The following FAM20A variants were observed in gnomAD, a reference collection of about 807,000 sequenced individuals.
FAM20A encodes pseudokinase FAM20A.
Under a neutral mutation model 52.0 loss-of-function variants are expected in FAM20A, and 42 were observed. The ratio of observed to expected loss-of-function variants is 0.81; its 90% CI spans 0.63 to 1.04. The LOEUF (loss-of-function observed/expected upper bound fraction) is 1.04, where lower values mean the gene tolerates loss of function less well. FAM20A is among the 50% of genes least tolerant of loss of function. The pLI is 0.00. For synonymous variants in FAM20A, 304 were observed against 298.9 expected (o/e 1.02, Z -0.18); for missense variants, 742 against 712.7 (o/e 1.04, Z -0.47).
Position 68,542,184 on chromosome 17 carries a change from A to G in FAM20A, c.929-19T>C. ...TTGCTCGCTGGAGGATGGGGAGGAG[A>G]GAGGAGGAGTAAGTGGAGGGCTCTG... On this transcript the variant is annotated intron_variant, in intron 6 of 10. Coordinates refer to ENST00000592554, the MANE Select transcript of FAM20A (RefSeq NM_017565.4). 6.2e-7 allele frequency: 1 copy of G among 1,613,426 alleles called. No individual in the cohort carries two copies. The highest frequency in any genetic ancestry group is 8.5e-7 in the Non-Finnish European group (1 of 1,179,896).
chr17:68,578,317 C>T (rs150751369), intron 1 of FAM20A, among the ~76,000 whole-genome samples: 7 of 152,234 alleles, frequency 4.6e-5, no homozygotes, highest in East Asian at 3.9e-4. Context: ...GGGTACAATA[C>T]GGGGTTAGGC....
intron 3 of FAM20A, among the ~76,000 whole-genome samples, chr17:68,553,657 G>C (rs12944049): frequency 6.6e-6 from 1 of 151,786 alleles, no homozygotes; most frequent in Non-Finnish European, 1.5e-5. Context: ...GGGCCTCACC[G>C]TCTGAACTTG....
In FAM20A at chr17:68,575,917, C is replaced by T. The variant is rs535064186; in HGVS notation, c.405-20174G>A. Among the ~76,000 whole-genome samples the T allele has an allele frequency of 2.4e-4, 36 of 150,090 alleles. 1 individual carries two copies. The Middle Eastern group carries it at 0.02, about 85-fold the overall frequency. On this transcript the variant is annotated intron_variant, in intron 1 of 10. Transcript: ENST00000592554. ...GTTTCTGAGAACCAAGTCCAAAGGG[C>T]GCCCCCTAAGAATGGCCTTTCCCTT... is the stretch of plus-strand genomic sequence containing the variant.
At chr17:68,555,919 G>A (rs1014967622) in intron 1 of FAM20A, among the ~76,000 whole-genome samples, 176 bp from the exon 2 acceptor site, 13 of 152,140 alleles carry the variant, frequency 8.5e-5, no homozygotes, top group African/African-American at 2.2e-4. Flanking sequence ...ACACCTGTGG[G>A]GTCCTTTCTT....
intron 2 of FAM20A, 26 bp downstream of exon 2, chr17:68,555,533 C>T (rs549811526): frequency 9.3e-6 from 15 of 1,611,758 alleles, no homozygotes; most frequent in Non-Finnish European, 1.3e-5. Context: ...AGTCAGTCCC[C>T]CCTTGCTTGA....
chr17:68,576,718 G>A (rs189785360), intron 1 of FAM20A, among the ~76,000 whole-genome samples: 1 of 152,316 alleles, frequency 6.6e-6, no homozygotes, highest in East Asian at 1.9e-4. Flanking sequence ...TAACTGATGA[G>A]CAAATCTGAG....
chr17:68,586,204 T>C (rs2088160290), intron 1 of FAM20A, among the ~76,000 whole-genome samples: 1 of 152,210 alleles, frequency 6.6e-6, no homozygotes, highest in Admixed American at 6.5e-5. Context: ...ATATCAGAAT[T>C]ATTTTGTGAT....
chr17:68,595,790 C>T (rs2088435600), intron 1 of FAM20A, among the ~76,000 whole-genome samples: 1 of 152,132 alleles, frequency 6.6e-6, no homozygotes, highest in Non-Finnish European at 1.5e-5. Context: ...AGGTTCAGAG[C>T]GTTCTAGGGC....
Position 68,600,009 on chromosome 17 carries a change from G to A in FAM20A, c.404+254C>T, listed in dbSNP as rs1288438181. 6.6e-6 allele frequency among the ~76,000 whole-genome samples: 1 copy of A among 152,206 alleles called. No homozygotes were observed. Among genetic ancestry groups the A allele is most frequent in the Non-Finnish European group, 1.5e-5 (1 of 68,040 alleles). ...CCCAGGCGCTCAAGGGGAAGGGGCT[G>A]AGAGCGTTTCTTCGCTGTGCGGCTG... On this transcript the variant is annotated intron_variant, in intron 1 of 10. Coordinates refer to ENST00000592554, the MANE Select transcript of FAM20A (RefSeq NM_017565.4). The surrounding 1 kb of genome is among the most constrained non-coding windows in gnomAD (Gnocchi z 6.2).
chr17:68,589,177 C>T (rs2088236663), intron 1 of FAM20A, among the ~76,000 whole-genome samples: 2 of 152,218 alleles, frequency 1.3e-5, no homozygotes, highest in Non-Finnish European at 2.9e-5. Context: ...CTGCATTAGC[C>T]TCCTGGAGAA....
At chr17:68,540,701 TG>T in intron 8 of FAM20A, 147 bp downstream of exon 8, 1 of 996,944 alleles carries the variant, frequency 1.0e-6, no homozygotes, top group Non-Finnish European at 1.5e-6. Context: ...TTCTGTCCTC[TG>T]GGACCTCCGC....
At chr17:68,559,731 A>C (rs2087156760) in intron 1 of FAM20A, among the ~76,000 whole-genome samples, 1 of 152,184 alleles carries the variant, frequency 6.6e-6, no homozygotes, top group South Asian at 2.1e-4. Flanking sequence ...CCCGCTTCCC[A>C]TCTCCAGAGG....
Position 68,575,269 on chromosome 17 carries a change from A to C in FAM20A, c.405-19526T>G, listed in dbSNP as rs2087694611. 4.7e-5 allele frequency: 7 copies of C among 150,488 alleles called. No homozygotes were observed. In the Admixed American group the frequency reaches 4.7e-4, roughly 10 times the overall value. The allele number at this position is 150,488 out of a possible 1,614,324, so 9.3% of individuals were successfully genotyped here. ...GCTTTTACAAATATACAAGCAGGCC[A>C]GGCACAGTGGCTCATGCCTGTAATC... On this transcript the variant is annotated intron_variant, in intron 1 of 10. Coordinates refer to ENST00000592554, the MANE Select transcript of FAM20A (RefSeq NM_017565.4).
At chr17:68,582,782 T>TTA (rs2088047650) in intron 1 of FAM20A, among the ~76,000 whole-genome samples, 1 of 61,478 alleles carries the variant, frequency 1.6e-5, no homozygotes, top group East Asian at 1.1e-3. Context: ...CAGGATTAAT[T>TTA]TTTTTTTTTT....
At chr17:68,539,134 G>A (rs189123061) in intron 10 of FAM20A, among the ~76,000 whole-genome samples, 1 of 152,150 alleles carries the variant, frequency 6.6e-6, no homozygotes, top group Admixed American at 6.5e-5. Flanking sequence ...TTAATCTTAT[G>A]AGACCACCGT....
rs754357363 is a variant in FAM20A at position 68,600,525 on chromosome 17, C to T, written c.142G>A (p.Gly48Ser). The change falls in exon 1 of 11, where the codon GGC becomes AGC. Residue 48 changes from glycine to serine, a missense_variant. Gly to Ser is a moderately conservative substitution (Grantham distance 56). Transcript: ENST00000592554. This position sits in a 1 kb window ranked among gnomAD's most constrained non-coding sequence, Gnocchi z 6.2. ...RERPRGCPCT[G>S]RASSLARDSA... ...TCCCGCGCCAGGGAGGAGGCGCGGC[C>T]GGTGCACGGGCACCCCCGCGGGCGC... The T allele has an allele frequency of 3.3e-5, 52 of 1,569,628 alleles. 2 individuals are homozygous for T. The South Asian group carries it at 5.5e-4, about 16-fold the overall frequency.
chr17:68,600,806 G>A lies in FAM20A; in HGVS notation c.-140C>T, dbSNP rs1009053679. ...AGTGAGACCGGAATGCTCCCCGCGC[G>A]GGCTAGTCCCCTGTGGAGGGGTGTC... On this transcript the variant is annotated 5_prime_UTR_variant, in exon 1 of 11. Coordinates refer to ENST00000592554, the MANE Select transcript of FAM20A (RefSeq NM_017565.4). The surrounding 1 kb of genome is among the most constrained non-coding windows in gnomAD (Gnocchi z 6.2). 74 of 928,534 alleles carry A rather than the reference G, an allele frequency of 8.0e-5. No homozygotes were observed. In the African/African-American group the frequency reaches 1.2e-3, roughly 15 times the overall value. 57.5% of individuals were successfully genotyped at this position (928,534 alleles called of 1,614,324 possible).
chr17:68,540,547 C>T, intron 8 of FAM20A: 1 of 514,290 alleles, frequency 1.9e-6, no homozygotes, highest in Non-Finnish European at 3.8e-6. Context: ...CCCTTCCTAC[C>T]TGGTTTCCCC....
intron 1 of FAM20A, chr17:68,598,218 T>C (rs1240483199): frequency 6.6e-6 from 1 of 152,072 alleles, no homozygotes; most frequent in African/African-American, 2.4e-5. Context: ...CCCAAGCTCA[T>C]CTTGAACTCC....
Sources: allele counts gnomAD v4.1 joint callset (sites outside exome capture counted in the v4.1 genomes callset), GRCh38; gene constraint gnomAD v4.1.1; non-coding constraint Gnocchi (gnomAD v3.1); transcripts MANE v1.5; gene names NCBI Gene and HGNC (gene_info 2026-07-23, HGNC 2026-07-21).